Variants in CNN1 observed in about 807,000 individuals in gnomAD.
CNN1 encodes the protein calponin-1.
CNN1 carries 21 observed loss-of-function variants against 35.3 expected under a neutral mutation model. The ratio of observed to expected loss-of-function variants is 0.60; its 90% confidence interval spans 0.42 to 0.86. CNN1 has a LOEUF of 0.86. Among genes scored for constraint, CNN1 ranks in the 40% least tolerant of loss-of-function variants. The pLI, the probability that CNN1 is intolerant of heterozygous loss-of-function variation, is 0.00. For missense variants in CNN1, 314 were observed against 400.8 expected, an observed-to-expected ratio of 0.78 and a Z score of 1.85; for synonymous variants, 164 against 161.8, an observed-to-expected ratio of 1.01 and a Z score of -0.10.
chr19:11,549,351 A>G lies in CNN1; in HGVS notation c.530A>G (p.Gln177Arg). The G allele has an allele frequency of 6.2e-7, 1 of 1,614,042 alleles. No homozygotes were observed. Among genetic ancestry groups the G allele is most frequent in the Non-Finnish European group, 8.5e-7 (1 of 1,179,994 alleles). ...QMGTNKFASQQGMTAYGTRRH... is the reference protein window; with the variant it reads ...QMGTNKFASQRGMTAYGTRRH... ...GGCACCAACAAGTTTGCCAGCCAGCAGGGCATGACGGCCTATGGCACCCGG... is the reference window on the plus strand; with the variant it reads ...GGCACCAACAAGTTTGCCAGCCAGCGGGGCATGACGGCCTATGGCACCCGG... Residue 177 changes from glutamine to arginine, a missense_variant, in exon 6 of 7, where the codon CAG (glutamine) becomes CGG (arginine). Physicochemically the swap from Gln to Arg is conservative, Grantham distance 43 (BLOSUM62 1). Transcript: ENST00000252456. The surrounding 1 kb of genome is among the most constrained non-coding windows in gnomAD (Gnocchi z 5.2).
Position 11,549,463 on chromosome 19 carries a change from C to T in CNN1, c.642C>T (p.Ala214=), listed in dbSNP as rs1458449443. 1.9e-6 allele frequency: 3 copies of T among 1,613,874 alleles called. No homozygotes were observed. The highest frequency in any genetic ancestry group is 2.5e-6 in the Non-Finnish European group (3 of 1,179,936). Residue 214 remains alanine (A), a synonymous_variant, in exon 6 of 7, where the codon GCC becomes GCT. Coordinates refer to ENST00000252456, the MANE Select transcript of CNN1 (RefSeq NM_001299.6). This position sits in a 1 kb window ranked among gnomAD's most constrained non-coding sequence, Gnocchi z 5.2. ...ISLQMGTNKG[A]SQAGMTAPGT... ...TGCAGATGGGCACCAACAAAGGAGC[C>T]AGCCAGGTGAGTGGGGGCCCCCGGG...
In CNN1 at chr19:11,547,868, G is replaced by A. The variant is rs369958774; in HGVS notation, c.462G>A (p.Pro154=). The A allele has an allele frequency of 8.9e-5, 143 of 1,613,852 alleles. No homozygotes were observed. The highest frequency in any genetic ancestry group is 1.6e-4 in the Middle Eastern group (1 of 6,084). ...YAEKQERKFE[P]GKLREGRNII... ...AGAAGCAGGAGCGGAAATTCGAGCC[G>A]GGGAAGCTAAGAGAAGGGCGGAACA... is the stretch of plus-strand genomic sequence containing the variant. Residue 154 remains proline, a synonymous_variant, in exon 5 of 7, where the codon CCG becomes CCA. Coordinates refer to ENST00000252456, the MANE Select transcript of CNN1 (RefSeq NM_001299.6).
chr19:11,539,978 T>C, intron 1 of CNN1: 1 of 1,057,740 alleles, frequency 9.5e-7, no homozygotes. Context: ...GTTTGCTTTA[T>C]AAAGCCGGGC....
Position 11,546,983 on chromosome 19 carries a change from C to T in CNN1, c.390+14C>T. ...TTGGCCAGCATGGTGAGTGTGGTTG[C>T]AGGCTGGGCAGGGGGTGGTGGGCAG... On this transcript the variant is annotated intron_variant, in intron 4 of 6. Coordinates refer to ENST00000252456, the MANE Select transcript of CNN1 (RefSeq NM_001299.6). 1 of 1,613,864 alleles carries T rather than the reference C, an allele frequency of 6.2e-7. No individual in the cohort carries two copies. The highest frequency in any genetic ancestry group is 8.5e-7 in the Non-Finnish European group (1 of 1,179,818).
intron 1 of CNN1, 186 bp downstream of exon 1, chr19:11,539,176 T>C: frequency 8.5e-7 from 1 of 1,171,588 alleles, no homozygotes. Context: ...CAGCTATGGT[T>C]GGGGCTGGAA....
Position 11,549,896 on chromosome 19 carries a change from T to G in CNN1, c.*101T>G, listed in dbSNP as rs1972683950. 6.8e-7 allele frequency: 1 copy of G among 1,479,172 alleles called. No homozygotes were observed. The highest frequency in any genetic ancestry group is 9.1e-7 in the Non-Finnish European group (1 of 1,095,358). 91.6% of individuals were successfully genotyped at this position (1,479,172 alleles called of 1,614,324 possible). On this transcript the variant is annotated 3_prime_UTR_variant, in exon 7 of 7. Transcript: ENST00000252456. The surrounding 1 kb of genome is among the most constrained non-coding windows in gnomAD (Gnocchi z 5.2). The stretch of plus-strand genomic sequence containing the variant: ...GACCCCCTCTCCCTGCATGGCATCC[T>G]CCAGCCCCTGTAGAACTCAACCTCT...
At chr19:11,546,624 G>A (rs371876703) in intron 2 of CNN1, 51 bp from the exon 3 acceptor site, 36 of 1,605,022 alleles carry the variant, frequency 2.2e-5, no homozygotes, top group Middle Eastern at 1.7e-4. Flanking sequence ...GTGAGCCACC[G>A]TGCCCAACCC....
chr19:11,543,516 C>T (rs1032727919), intron 2 of CNN1, among the ~76,000 whole-genome samples: 1 of 149,800 alleles, frequency 6.7e-6, no homozygotes, highest in African/African-American at 2.4e-5. Flanking sequence ...CGCGGTGACT[C>T]ACGTCTGTAA....
At chr19:11,548,344 A>C (rs1414841518) in intron 5 of CNN1, among the ~76,000 whole-genome samples, 1 of 151,784 alleles carries the variant, frequency 6.6e-6, no homozygotes, top group African/African-American at 2.4e-5. Flanking sequence ...GTTTCAGACC[A>C]GCCTGGGCAA....
At chr19:11,548,033 A>G (rs1220315243) in intron 5 of CNN1, 126 bp downstream of exon 5, 12 of 611,790 alleles carry the variant, frequency 2.0e-5, no homozygotes, top group South Asian at 2.5e-5. Context: ...GCTTATGCTC[A>G]TCTTCCATTC....
intron 1 of CNN1, chr19:11,539,580 C>A: frequency 1.0e-6 from 1 of 968,684 alleles, no homozygotes; most frequent in Non-Finnish European, 1.4e-6. Context: ...GTACAGCGCT[C>A]GGACCCTGGA....
Position 11,549,881 on chromosome 19 carries a change from C to G in CNN1, c.*86C>G. The G allele has an allele frequency of 1.3e-6, 2 of 1,512,230 alleles. No homozygotes were observed. The highest frequency in any genetic ancestry group is 2.8e-5 in the African/African-American group (2 of 72,070). 93.7% of individuals were successfully genotyped at this position (1,512,230 alleles called of 1,614,324 possible). On this transcript the variant is annotated 3_prime_UTR_variant, in exon 7 of 7. Transcript: ENST00000252456. This position sits in a 1 kb window ranked among gnomAD's most constrained non-coding sequence, Gnocchi z 5.2. ...CAGCCAGGCCCAGCCGACCCCCTCT[C>G]CCTGCATGGCATCCTCCAGCCCCTG...
At chr19:11,541,520 C>T (rs1972462026) in intron 2 of CNN1, among the ~76,000 whole-genome samples, 1 of 152,190 alleles carries the variant, frequency 6.6e-6, no homozygotes, top group South Asian at 2.1e-4. Flanking sequence ...AACAGCTGTT[C>T]ATGGCTGGCT....
At chr19:11,541,005 C>T (rs939203590) in intron 1 of CNN1, 71 bp from the exon 2 acceptor site, 4 of 1,475,658 alleles carry the variant, frequency 2.7e-6, no homozygotes, top group Non-Finnish European at 3.6e-6. Context: ...AGACAGGACC[C>T]AGGGAGCCCA....
chr19:11,539,031 GC>G, intron 1 of CNN1, 41 bp downstream of exon 1: 1 of 1,508,694 alleles, frequency 6.6e-7, no homozygotes, highest in Non-Finnish European at 8.9e-7. Context: ...CACACGTCCT[GC>G]CAGGCCAGAG....
intron 2 of CNN1, among the ~76,000 whole-genome samples, chr19:11,541,762 T>A (rs1023175973): frequency 6.6e-6 from 1 of 152,046 alleles, no homozygotes; most frequent in African/African-American, 2.4e-5. Flanking sequence ...CTAATTTTTG[T>A]ATTTTTTTAA....
At position 11,549,829 on chromosome 19, in the gene CNN1, G is replaced by T. The variant is rs768264306; in HGVS notation, c.*34G>T. On this transcript the variant is annotated 3_prime_UTR_variant, in exon 7 of 7. Coordinates refer to ENST00000252456, the MANE Select transcript of CNN1 (RefSeq NM_001299.6). The surrounding 1 kb of genome is among the most constrained non-coding windows in gnomAD (Gnocchi z 5.2). ...GGCCTTCCCTGTTTTCCCCCCAAGG[G>T]AGGCTGCTGCTGCTCTTGGCTGGAC... 9 of 1,572,428 alleles carry T rather than the reference G, an allele frequency of 5.7e-6. No homozygotes were observed. The highest frequency in any genetic ancestry group is 7.8e-6 in the Non-Finnish European group (9 of 1,154,496).
chr19:11,541,974 A>C (rs1200387157), intron 2 of CNN1: 1 of 147,866 alleles, frequency 6.8e-6, no homozygotes, highest in African/African-American at 2.5e-5. Context: ...TCCTGACTTC[A>C]AGTGATCCAC....
chr19:11,549,347 C>G lies in CNN1; in HGVS notation c.526C>G (p.Gln176Glu), dbSNP rs777953216. Residue 176 changes from glutamine to glutamate, a missense_variant, in exon 6 of 7, where the codon CAG becomes GAG. Gln to Glu is a conservative substitution (Grantham distance 29). Transcript: ENST00000252456. This position sits in a 1 kb window ranked among gnomAD's most constrained non-coding sequence, Gnocchi z 5.2. Reference protein sequence around the residue: ...LQMGTNKFASQQGMTAYGTRR... With the variant: ...LQMGTNKFASEQGMTAYGTRR... ...GATGGGCACCAACAAGTTTGCCAGC[C>G]AGCAGGGCATGACGGCCTATGGCAC... The G allele has an allele frequency of 1.1e-5, 18 of 1,614,088 alleles. No homozygotes were observed. The highest frequency in any genetic ancestry group is 8.8e-5 in the South Asian group (8 of 91,088).
Sources: allele counts gnomAD v4.1 joint callset (sites outside exome capture counted in the v4.1 genomes callset), GRCh38; gene constraint gnomAD v4.1.1; non-coding constraint Gnocchi (gnomAD v3.1); transcripts MANE v1.5; gene names NCBI Gene and HGNC (gene_info 2026-07-23, HGNC 2026-07-21).